The following ZYG11A variants were observed in gnomAD, a reference collection of about 807,000 sequenced individuals.
The protein encoded by ZYG11A is protein zyg-11 homolog A.
In ZYG11A, 62 loss-of-function variants were observed where a neutral mutation model predicts 77.2. The observed-to-expected ratio is 0.80, with a 90% CI of 0.65 to 0.99. The LOEUF (loss-of-function observed/expected upper bound fraction) is 0.99. Among genes scored for constraint, ZYG11A ranks in the 50% least tolerant of loss-of-function variants. The pLI is 0.00. For synonymous variants in ZYG11A, 315 were observed against 324.6 expected (o/e 0.97, Z 0.32); for missense variants, 828 against 896.8 (o/e 0.92, Z 0.98).
intron 13 of ZYG11A, among the ~76,000 whole-genome samples, chr1:52,891,416 A>C (rs997576513): frequency 1.3e-5 from 2 of 151,652 alleles, no homozygotes; most frequent in Admixed American, 6.6e-5. Context: ...TATTTTTCTG[A>C]GAATTCATTT....
chr1:52,856,975 A>G (rs1645824000), intron 2 of ZYG11A, 23 bp from the exon 3 acceptor site: 5 of 1,503,686 alleles, frequency 3.3e-6, no homozygotes, highest in African/African-American at 2.8e-5. Flanking sequence ...TGTCATTACA[A>G]GTTGGTTCTG....
chr1:52,861,821 C>T (rs773304167), intron 4 of ZYG11A, among the ~76,000 whole-genome samples: 24 of 151,998 alleles, frequency 1.6e-4, no homozygotes, highest in Non-Finnish European at 2.9e-4. Context: ...GTTGGGAGGC[C>T]GAGATGGGAG....
chr1:52,871,294 G>A (rs1489963057), intron 8 of ZYG11A, among the ~76,000 whole-genome samples: 3 of 151,860 alleles, frequency 2.0e-5, no homozygotes, highest in Admixed American at 2.0e-4. Flanking sequence ...GCCTCCTCAC[G>A]TTTTTAATCC....
At chr1:52,849,776 G>A (rs1299094316) in intron 1 of ZYG11A, among the ~76,000 whole-genome samples, 2 of 151,450 alleles carry the variant, frequency 1.3e-5, no homozygotes, top group Non-Finnish European at 2.9e-5. Context: ...TCCACATCCC[G>A]GATTCATGCC....
intron 13 of ZYG11A, among the ~76,000 whole-genome samples, chr1:52,890,523 G>A (rs1040735576): frequency 2.0e-5 from 3 of 151,528 alleles, no homozygotes; most frequent in Non-Finnish European, 4.4e-5. Context: ...CATGAGCCAC[G>A]ACACCTGGCC....
chr1:52,882,996 A>T (rs1350351187), intron 11 of ZYG11A, among the ~76,000 whole-genome samples: 2 of 144,558 alleles, frequency 1.4e-5, no homozygotes, highest in African/African-American at 5.8e-5. Flanking sequence ...TTTCATATCT[A>T]GCTCATTTAT....
rs919606487 is a variant in ZYG11A at position 52,877,167 on chromosome 1, G to A, written c.1543-515G>A. Among the ~76,000 whole-genome samples the A allele has an allele frequency of 4.6e-5, 7 of 152,072 alleles. 2 individuals are homozygous for A. Among genetic ancestry groups the A allele is most frequent in the Admixed American group, 4.6e-4 (7 of 15,272 alleles). On this transcript the variant is annotated intron_variant, in intron 8 of 13. Transcript: ENST00000371528. ...CCTGCATGTCCCCATTTCTTACTGG[G>A]CTGGCTTATCCTCTTTTTCTTCTGG...
intron 3 of ZYG11A, among the ~76,000 whole-genome samples, chr1:52,858,772 C>T (rs922556880): frequency 6.6e-6 from 1 of 151,684 alleles, no homozygotes; most frequent in African/African-American, 2.4e-5. Flanking sequence ...ACCACCACAC[C>T]TGGCTAATTT....
At chr1:52,887,281 A>T (rs971938695) in intron 13 of ZYG11A, among the ~76,000 whole-genome samples, 2 of 152,180 alleles carry the variant, frequency 1.3e-5, no homozygotes, top group African/African-American at 4.8e-5. Context: ...GTTTGCTCCT[A>T]CTTGTATTCC....
In ZYG11A at chr1:52,870,726, C is replaced by T. The variant is rs370295069; in HGVS notation, c.1542+2949C>T. ...AAATACGAAAAACAGTCAGGCGTGA[C>T]GGCGCGCGCCTGCAGTCGCAGGCAC... On this transcript the variant is annotated intron_variant, in intron 8 of 13. Transcript: ENST00000371528. Among the ~76,000 whole-genome samples, 28 of 152,150 alleles carry T rather than the reference C, an allele frequency of 1.8e-4. No individual in the cohort carries two copies. The East Asian group carries it at 2.9e-3, about 16-fold the overall frequency.
chr1:52,888,341 A>C (rs1459885095), intron 13 of ZYG11A, among the ~76,000 whole-genome samples: 1 of 152,196 alleles, frequency 6.6e-6, no homozygotes, highest in Non-Finnish European at 1.5e-5. Context: ...ATCAACAGGA[A>C]AGAACTAACA....
Position 52,857,407 on chromosome 1 carries a change from A to T in ZYG11A, c.666A>T (p.Ala222=). Residue 222 remains alanine, a synonymous_variant, in exon 3 of 14, where the codon GCA becomes GCT. Coordinates refer to ENST00000371528, the MANE Select transcript of ZYG11A (RefSeq NM_001004339.3). The part of the protein sequence containing the change: ...ISNTLVTDIS[A]LLTCKDRLKS... Reference sequence around the variant, plus strand: ...ATACTCTAGTCACTGATATTTCTGCACTGCTTACCTGTAAGGATCGATTGA... The same window carrying T: ...ATACTCTAGTCACTGATATTTCTGCTCTGCTTACCTGTAAGGATCGATTGA... 6.4e-7 allele frequency: 1 copy of T among 1,551,930 alleles called. No individual in the cohort carries two copies. Among genetic ancestry groups the T allele is most frequent in the South Asian group, 1.2e-5 (1 of 84,060 alleles).
At chr1:52,874,602 C>A (rs1402764304) in intron 8 of ZYG11A, among the ~76,000 whole-genome samples, 1 of 152,264 alleles carries the variant, frequency 6.6e-6, no homozygotes, top group East Asian at 1.9e-4. Flanking sequence ...TGTGGTGGCT[C>A]ATGCCTGTAA....
intron 13 of ZYG11A, among the ~76,000 whole-genome samples, chr1:52,888,672 T>TCTGTACAAGAC (rs1646488427): frequency 6.6e-6 from 1 of 152,196 alleles, no homozygotes; most frequent in Non-Finnish European, 1.5e-5. Flanking sequence ...AAATGTTTTT[T>TCTGTACAAGAC]ATGGGCTCAG....
chr1:52,844,700 C>CT (rs528245738), intron 1 of ZYG11A, among the ~76,000 whole-genome samples: 2,733 of 147,244 alleles, frequency 0.019, 44 homozygotes, highest in Middle Eastern at 0.086. Context: ...ATTGTAAATA[C>CT]TTTTTTTTTT....
chr1:52,880,590 C>T (rs1482695455), intron 10 of ZYG11A, among the ~76,000 whole-genome samples: 8 of 152,124 alleles, frequency 5.3e-5, no homozygotes, highest in African/African-American at 1.9e-4. Flanking sequence ...ATGTATCTGT[C>T]TTGCTAGCAG....
chr1:52,868,976 C>G (rs766123947), intron 8 of ZYG11A, among the ~76,000 whole-genome samples: 7 of 152,072 alleles, frequency 4.6e-5, no homozygotes, highest in Non-Finnish European at 8.8e-5. Context: ...GCTGGGATTA[C>G]AGGCATGTGC....
rs1204982909 is a variant in ZYG11A, at chr1:52,886,932, T to C, written c.2007-24T>C. 11 of 1,297,656 alleles carry C rather than the reference T, an allele frequency of 8.5e-6. No individual in the cohort carries two copies. The Admixed American group carries it at 1.8e-4, about 21-fold the overall frequency. The allele number at this position is 1,297,656 out of a possible 1,614,324, so 80.4% of individuals were successfully genotyped here. A position where few individuals can be genotyped will look rare whatever the true frequency, so the allele number is the denominator to read the frequency against. On this transcript the variant is annotated intron_variant, in intron 12 of 13. Transcript: ENST00000371528. ...CTGGCCTAACTGTTCTGGATTAACA[T>C]CTTTGTACTTTTTTTTGTTTTAGAT...
intron 3 of ZYG11A, among the ~76,000 whole-genome samples, chr1:52,859,436 C>T (rs571413206): frequency 3.3e-5 from 5 of 150,064 alleles, no homozygotes; most frequent in African/African-American, 9.8e-5. Context: ...CCCGGGTTCA[C>T]GCCATTCTCC....
Sources: gnomAD v4.1 joint callset for allele counts (sites outside exome capture counted in the v4.1 genomes callset) on GRCh38, gnomAD v4.1.1 for gene constraint, MANE v1.5 for transcripts, NCBI Gene and HGNC (gene_info 2026-07-23, HGNC 2026-07-21) for gene names.